The following MALRD1 variants were observed in gnomAD, a reference collection of about 807,000 sequenced individuals.
The protein encoded by MALRD1 is MAM and LDL receptor class A domain containing 1.
In MALRD1, 247 loss-of-function variants were observed where a neutral mutation model predicts 242.1. The ratio of observed to expected loss-of-function variants is 1.02; its 90% confidence interval spans 0.92 to 1.13. The LOEUF (loss-of-function observed/expected upper bound fraction) is 1.13. Among genes scored for constraint, MALRD1 ranks in the 50% most tolerant of loss-of-function variants. The pLI is 0.00. For synonymous variants in MALRD1, 995 were observed against 866.6 expected, an observed-to-expected ratio of 1.15 and a Z score of -2.60; for missense variants, 2,989 against 2,533.1, an observed-to-expected ratio of 1.18 and a Z score of -3.86.
chr10:19,177,459 TA>T (rs762954255), intron 14 of MALRD1, among the ~76,000 whole-genome samples: 3 of 152,074 alleles, frequency 2.0e-5, no homozygotes, highest in Non-Finnish European at 2.9e-5. Context: ...TTTGGAGGTA[TA>T]GGGGCAGAAA....
intron 14 of MALRD1, among the ~76,000 whole-genome samples, chr10:19,192,800 A>G (rs1033124979): frequency 2.0e-5 from 3 of 152,238 alleles, no homozygotes; most frequent in African/African-American, 7.2e-5. Context: ...TGCCCTGGGT[A>G]TCAATAGAAA....
At position 19,175,019 on chromosome 10, in the gene MALRD1, C is replaced by T. The variant is rs193113583; in HGVS notation, c.1831-189C>T. ...CAAGGTTACCTTTGGCATTAAGGTA[C>T]ATAAGATGCTGTCAAAGCAGTTATG... is the stretch of plus-strand genomic sequence containing the variant. On this transcript the variant is annotated intron_variant, in intron 13 of 39. Transcript: ENST00000454679. Among the ~76,000 whole-genome samples, 375 of 152,124 alleles carry T rather than the reference C, an allele frequency of 2.5e-3. 2 individuals are homozygous for T. Among genetic ancestry groups the T allele is most frequent in the African/African-American group, 8.7e-3 (360 of 41,526 alleles).
chr10:19,689,575 G>A lies in MALRD1; in HGVS notation c.6138-2707G>A, dbSNP rs1323884498. On this transcript the variant is annotated intron_variant, in intron 36 of 39. Coordinates refer to ENST00000454679, the MANE Select transcript of MALRD1 (RefSeq NM_001142308.3). The stretch of plus-strand genomic sequence containing the variant: ...AAATGAGTCAATTTTTAAAAGCAAA[G>A]AAAGATGTGAAAACCATGTTTCTAC... Among the ~76,000 whole-genome samples the A allele has an allele frequency of 2.0e-5, 3 of 152,004 alleles. No individual in the cohort carries two copies. The East Asian group carries it at 5.8e-4, about 29-fold the overall frequency.
intron 2 of MALRD1, among the ~76,000 whole-genome samples, chr10:19,082,558 A>G (rs181594139): frequency 1.3e-5 from 2 of 152,084 alleles, no homozygotes; most frequent in Admixed American, 1.3e-4. Flanking sequence ...GTCTTTGTCT[A>G]ATAAGTCTGG....
At chr10:19,063,142 T>C (rs1057286462) in intron 1 of MALRD1, among the ~76,000 whole-genome samples, 1 of 147,604 alleles carries the variant, frequency 6.8e-6, no homozygotes, top group Non-Finnish European at 1.5e-5. Flanking sequence ...CAAGACCCTG[T>C]CCCCCCCCCA....
intron 19 of MALRD1, among the ~76,000 whole-genome samples, chr10:19,260,114 T>C (rs1187839169): frequency 2.0e-5 from 3 of 152,208 alleles, no homozygotes; most frequent in Non-Finnish European, 4.4e-5. Context: ...AGTTTAGTTT[T>C]AGTATTATTG....
At chr10:19,724,656 G>A (rs1405763851) in intron 38 of MALRD1, among the ~76,000 whole-genome samples, 3 of 152,110 alleles carry the variant, frequency 2.0e-5, no homozygotes, top group African/African-American at 4.8e-5. Context: ...GCTTTAAATT[G>A]TTTACATTAA....
chr10:19,475,837 C>G (rs1337792921), intron 29 of MALRD1, among the ~76,000 whole-genome samples: 1 of 152,198 alleles, frequency 6.6e-6, no homozygotes, highest in Non-Finnish European at 1.5e-5. Flanking sequence ...GATTGCTCAG[C>G]TTCTCAAAAT....
chr10:19,325,779 A>G (rs555970374), intron 22 of MALRD1, among the ~76,000 whole-genome samples: 15 of 152,222 alleles, frequency 9.9e-5, no homozygotes, highest in East Asian at 5.8e-4. Context: ...TTGCCAAGAA[A>G]TCTCTAGCAT....
chr10:19,608,693 A>T (rs4748602), intron 35 of MALRD1, among the ~76,000 whole-genome samples: 24 of 152,148 alleles, frequency 1.6e-4, no homozygotes, highest in Middle Eastern at 3.4e-3. Flanking sequence ...CAAGAGAGGA[A>T]AATATTATGA....
chr10:19,450,597 T>TAC, intron 29 of MALRD1, 107 bp downstream of exon 29: 1 of 950,122 alleles, frequency 1.1e-6, no homozygotes. Flanking sequence ...TTTGTACACA[T>TAC]ACACAAATCA....
chr10:19,429,076 A>C (rs886673318), intron 28 of MALRD1, among the ~76,000 whole-genome samples: 2 of 152,248 alleles, frequency 1.3e-5, no homozygotes, highest in Non-Finnish European at 2.9e-5. Context: ...TATGTGTACT[A>C]TAAGAACTTT....
At chr10:19,312,528 G>A (rs1842477897) in intron 21 of MALRD1, among the ~76,000 whole-genome samples, 1 of 150,828 alleles carries the variant, frequency 6.6e-6, no homozygotes, top group Non-Finnish European at 1.5e-5. Flanking sequence ...CTAGAAAAGT[G>A]TTTCAATATG....
intron 21 of MALRD1, among the ~76,000 whole-genome samples, chr10:19,309,797 G>C (rs72782356): frequency 9.2e-5 from 14 of 151,606 alleles, no homozygotes; most frequent in Non-Finnish European, 2.1e-4. Flanking sequence ...GATAGGTAAA[G>C]GCTAGGATGG....
intron 26 of MALRD1, among the ~76,000 whole-genome samples, chr10:19,353,754 G>A (rs549525521): frequency 7.2e-5 from 11 of 152,204 alleles, no homozygotes; most frequent in Non-Finnish European, 1.3e-4. Flanking sequence ...TGGGATGTTT[G>A]ATGGCAGATA....
At chr10:19,377,444 A>G (rs1004229147) in intron 26 of MALRD1, among the ~76,000 whole-genome samples, 7 of 152,240 alleles carry the variant, frequency 4.6e-5, no homozygotes, top group African/African-American at 1.7e-4. Context: ...CTAGATTCAG[A>G]TCTCAGGTCT....
intron 26 of MALRD1, among the ~76,000 whole-genome samples, chr10:19,362,397 A>G (rs549118621): frequency 7.2e-5 from 11 of 152,278 alleles, no homozygotes; most frequent in South Asian, 4.1e-4. Context: ...CACTCCCTCC[A>G]AATCTAATCA....
intron 18 of MALRD1, among the ~76,000 whole-genome samples, chr10:19,221,008 C>G (rs921254025): frequency 6.6e-6 from 1 of 152,154 alleles, no homozygotes; most frequent in African/African-American, 2.4e-5. Context: ...AGAGAACCTT[C>G]TGACTAAATC....
chr10:19,165,063 G>A (rs1397583984), intron 12 of MALRD1, among the ~76,000 whole-genome samples: 2 of 151,366 alleles, frequency 1.3e-5, no homozygotes, highest in Non-Finnish European at 2.9e-5. Flanking sequence ...CATCAAGTAT[G>A]TATAGTAATA....
Sources: gnomAD v4.1 joint callset for allele counts (sites outside exome capture counted in the v4.1 genomes callset) on GRCh38, gnomAD v4.1.1 for gene constraint, MANE v1.5 for transcripts, NCBI Gene and HGNC (gene_info 2026-07-23, HGNC 2026-07-21) for gene names.